TMEM275: variants seen among roughly 807,000 people sequenced by gnomAD.
TMEM275 encodes transmembrane protein 275.
In TMEM275 at chr1:46,533,482, C is replaced by T; in HGVS notation, c.46G>A (p.Ala16Thr). 2 of 388,982 alleles carry T rather than the reference C, an allele frequency of 5.1e-6. No individual in the cohort carries two copies. The highest frequency in any genetic ancestry group is 9.1e-6 in the Non-Finnish European group (2 of 219,852). 24.1% of individuals were successfully genotyped at this position (388,982 alleles called of 1,614,324 possible). ...GGCACCCGGCCCCGGGCGCGTTCCGCGGGCGCCGGGACCGGTGGCCCCTCG... is the reference window on the plus strand; with the variant it reads ...GGCACCCGGCCCCGGGCGCGTTCCGTGGGCGCCGGGACCGGTGGCCCCTCG... Residue 16 changes from alanine (A) to threonine (T), a missense_variant, in exon 2 of 2, where the codon GCG becomes ACG. Physicochemically the swap from Ala to Thr is moderately conservative, Grantham distance 58. Transcript: ENST00000634804. This position sits in a 1 kb window ranked among gnomAD's most constrained non-coding sequence, Gnocchi z 4.4.
At chr1:46,534,737 G>A (rs1307190480) in intron 1 of TMEM275, among the ~76,000 whole-genome samples, 154 bp from the exon 2 acceptor site, 1 of 152,088 alleles carries the variant, frequency 6.6e-6, no homozygotes, top group Non-Finnish European at 1.5e-5. Flanking sequence ...TTAGAATTGT[G>A]GGGAAAAAAT....
chr1:46,534,768 G>A (rs1666716216), intron 1 of TMEM275, among the ~76,000 whole-genome samples, 185 bp from the exon 2 acceptor site: 1 of 152,166 alleles, frequency 6.6e-6, no homozygotes, highest in Admixed American at 6.5e-5. Flanking sequence ...GGTCCTGGAT[G>A]GGGATGAAAG....
In TMEM275 at chr1:46,533,541, C is replaced by T. The variant is rs1004561242; in HGVS notation, c.-14G>A. 9 of 388,452 alleles carry T rather than the reference C, an allele frequency of 2.3e-5. No homozygotes were observed. The highest frequency in any genetic ancestry group is 1.9e-4 in the African/African-American group (9 of 48,082). The allele number at this position is 388,452 out of a possible 1,614,324, so 24.1% of individuals were successfully genotyped here. A position where few individuals can be genotyped will look rare whatever the true frequency, so the allele number is the denominator to read the frequency against. On this transcript the variant is annotated 5_prime_UTR_variant, in exon 2 of 2. An upstream open reading frame in the 5' UTR gains an earlier in-frame stop. Transcript: ENST00000634804. The surrounding 1 kb of genome is among the most constrained non-coding windows in gnomAD (Gnocchi z 4.4). The stretch of plus-strand genomic sequence containing the variant: ...TGCCGGCGGCATCGGCCTGCGCACG[C>T]CAGGCACGCATCAAGCTCCCTCCTG...
chr1:46,533,183 C>T lies in TMEM275; in HGVS notation c.345G>A (p.Glu115=), dbSNP rs1317126768. Residue 115 remains glutamate, a synonymous_variant, in exon 2 of 2, where the codon GAG becomes GAA. Coordinates refer to ENST00000634804, the Ensembl canonical transcript of TMEM275. The surrounding 1 kb of genome is among the most constrained non-coding windows in gnomAD (Gnocchi z 4.4). ...TGTCCTGTGCCGTGGGCTCGCTGCT[C>T]TCCATCTCCAGCGCCACGGGCCCGG... 15 of 380,036 alleles carry T rather than the reference C, an allele frequency of 3.9e-5. No individual in the cohort carries two copies. The highest frequency in any genetic ancestry group is 3.4e-4 in the East Asian group (9 of 26,492). 23.5% of individuals were successfully genotyped at this position (380,036 alleles called of 1,614,324 possible). A position where few individuals can be genotyped will look rare whatever the true frequency, so the allele number is the denominator to read the frequency against.
intron 1 of TMEM275, among the ~76,000 whole-genome samples, chr1:46,534,032 G>A (rs1424796989): frequency 4.6e-5 from 7 of 152,302 alleles, no homozygotes; most frequent in Middle Eastern, 3.4e-3. Context: ...ATCGTCTTCA[G>A]TAGTCCTAAC....
intron 1 of TMEM275, among the ~76,000 whole-genome samples, chr1:46,534,802 G>T (rs1666717093): frequency 6.6e-6 from 1 of 152,154 alleles, no homozygotes; most frequent in Non-Finnish European, 1.5e-5. Context: ...TGGTACCGCG[G>T]GTCTGAGGGG....
Position 46,533,658 on chromosome 1 carries a change from C to T in TMEM275, c.-123-8G>A. The T allele has an allele frequency of 2.7e-6, 1 of 368,342 alleles. No homozygotes were observed. Among genetic ancestry groups the T allele is most frequent in the East Asian group, 4.0e-5 (1 of 25,298 alleles). 22.8% of individuals were successfully genotyped at this position (368,342 alleles called of 1,614,324 possible). A position where few individuals can be genotyped will look rare whatever the true frequency, so the allele number is the denominator to read the frequency against. On this transcript the variant is annotated splice_region_variant and splice_polypyrimidine_tract_variant and intron_variant, in intron 1 of 1. Coordinates refer to ENST00000634804, the Ensembl canonical transcript of TMEM275. The surrounding 1 kb of genome is among the most constrained non-coding windows in gnomAD (Gnocchi z 4.4). The stretch of plus-strand genomic sequence containing the variant: ...AGCCTCCTCACGCTGGTCCTGTGGG[C>T]ACACAGCAAGAGGGCGGCGTCAGCA...
In TMEM275 at chr1:46,533,043, C is replaced by T; in HGVS notation, c.485G>A (p.Arg162His). The change falls in exon 2 of 2, where the codon CGC becomes CAC. Residue 162 changes from arginine (R) to histidine (H), a missense_variant. By Grantham distance (29) the Arg-to-His change is conservative. Coordinates refer to ENST00000634804, the Ensembl canonical transcript of TMEM275. This position sits in a 1 kb window ranked among gnomAD's most constrained non-coding sequence, Gnocchi z 4.4. ...TGGGTTGAGCTGGACTCCTTCCGAG[C>T]GCAGCGCGCAGACGGCCGCGGGCGC... 2.5e-6 allele frequency: 1 copy of T among 396,172 alleles called. No homozygotes were observed. The highest frequency in any genetic ancestry group is 4.5e-6 in the Non-Finnish European group (1 of 224,442). The allele number at this position is 396,172 out of a possible 1,614,324, so 24.5% of individuals were successfully genotyped here. A position where few individuals can be genotyped will look rare whatever the true frequency, so the allele number is the denominator to read the frequency against.
chr1:46,534,230 C>T (rs1056058544), intron 1 of TMEM275, among the ~76,000 whole-genome samples, 189 bp from the exon 3 acceptor site: 1 of 151,850 alleles, frequency 6.6e-6, no homozygotes, highest in African/African-American at 2.4e-5. Context: ...GCCACTTGGC[C>T]TCAGTATCCC....
chr1:46,533,423 G>T lies in TMEM275; in HGVS notation c.105C>A (p.Cys35Ter). 1 of 380,096 alleles carries T rather than the reference G, an allele frequency of 2.6e-6. No homozygotes were observed. The highest frequency in any genetic ancestry group is 4.7e-6 in the Non-Finnish European group (1 of 213,996). The allele number at this position is 380,096 out of a possible 1,614,324, so 23.5% of individuals were successfully genotyped here. The change falls in exon 2 of 2, where the codon TGC becomes TGA. Residue 35 changes from cysteine (C) to a stop codon, truncating the protein, a stop_gained. Transcript: ENST00000634804. LOFTEE classifies it low-confidence loss of function (END_TRUNC). The surrounding 1 kb of genome is among the most constrained non-coding windows in gnomAD (Gnocchi z 4.4). ...CGCCCGCCAGCAGCGCGCACAGACC[G>T]CAGGCGCAGCACAGCGCCGGCGACG...
In TMEM275 at chr1:46,533,725, A is replaced by C; in HGVS notation, c.-123-75T>G. ...AGTCCTAGGCTCCGTCTGTAGCTAC[A>C]CTGAGTGCCTGGGTGGGCAGAGGTC... On this transcript the variant is annotated intron_variant, in intron 1 of 1. Transcript: ENST00000634804. This position sits in a 1 kb window ranked among gnomAD's most constrained non-coding sequence, Gnocchi z 4.4. The C allele has an allele frequency of 2.8e-6, 1 of 362,934 alleles. No individual in the cohort carries two copies. The highest frequency in any genetic ancestry group is 4.9e-6 in the Non-Finnish European group (1 of 203,482). The allele number at this position is 362,934 out of a possible 1,614,324, so 22.5% of individuals were successfully genotyped here.
At chr1:46,534,894 T>C (rs3737741) in intron 1 of TMEM275, among the ~76,000 whole-genome samples, 77,525 of 152,032 alleles carry the variant, frequency 0.51, 20,272 homozygotes, top group African/African-American at 0.62. Flanking sequence ...TCTTCTGTAA[T>C]GTGGGGCTAA....
Position 46,533,056 on chromosome 1 carries a change from C to A in TMEM275, c.472G>T (p.Val158Phe). The A allele has an allele frequency of 2.5e-6, 1 of 395,520 alleles. No homozygotes were observed. The highest frequency in any genetic ancestry group is 4.5e-6 in the Non-Finnish European group (1 of 224,056). 24.5% of individuals were successfully genotyped at this position (395,520 alleles called of 1,614,324 possible). ...ACTCCTTCCGAGCGCAGCGCGCAGA[C>A]GGCCGCGGGCGCCGGGGCCTCCAGG... is the stretch of plus-strand genomic sequence containing the variant. Residue 158 changes from valine to phenylalanine, a missense_variant, in exon 2 of 2, where the codon GTC (valine) becomes TTC (phenylalanine). Coordinates refer to ENST00000634804, the Ensembl canonical transcript of TMEM275. The surrounding 1 kb of genome is among the most constrained non-coding windows in gnomAD (Gnocchi z 4.4).
At position 46,534,470 on chromosome 1, in the gene TMEM275, C is replaced by A. The variant is rs1419477840; in HGVS notation, c.-123-820G>T. On this transcript the variant is annotated intron_variant, in intron 1 of 1. The change abolishes an upstream ATG in the 5' untranslated region. Coordinates refer to ENST00000634804, the Ensembl canonical transcript of TMEM275. ...CCAATCCTACCTCCATTCCACTCCC[C>A]ATTGTTTTACTGTTGAACCTGGATT... Among the ~76,000 whole-genome samples, 1 of 152,192 alleles carries A rather than the reference C, an allele frequency of 6.6e-6. No homozygotes were observed. The highest frequency in any genetic ancestry group is 1.5e-5 in the Non-Finnish European group (1 of 68,030).
In TMEM275 at chr1:46,533,011, C is replaced by G; in HGVS notation, c.517G>C (p.Ala173Pro). The change falls in exon 2 of 2, where the codon GCG becomes CCG. Residue 173 changes from alanine (A) to proline (P), a missense_variant. By Grantham distance (27) the Ala-to-Pro change is conservative. Transcript: ENST00000634804. The surrounding 1 kb of genome is among the most constrained non-coding windows in gnomAD (Gnocchi z 4.4). ...CTGGTCCGCTAGGGGGCGGCGCGCG[C>G]CCGGGGTGGGTTGAGCTGGACTCCT... The G allele has an allele frequency of 2.5e-6, 1 of 396,412 alleles. No homozygotes were observed. The highest frequency in any genetic ancestry group is 4.5e-6 in the Non-Finnish European group (1 of 224,598). The allele number at this position is 396,412 out of a possible 1,614,324, so 24.6% of individuals were successfully genotyped here. A position where few individuals can be genotyped will look rare whatever the true frequency, so the allele number is the denominator to read the frequency against.
At position 46,533,250 on chromosome 1, in the gene TMEM275, C is replaced by T. The variant is rs1666692638; in HGVS notation, c.278G>A (p.Arg93His). ...GCCCGGGCCCGCCGCGGCCGCCGAG[C>T]GCCCACGGGGCGCGAGGCCCCGGCG... The change falls in exon 2 of 2, where the codon CGC (arginine) becomes CAC (histidine). Residue 93 changes from arginine to histidine, a missense_variant. Coordinates refer to ENST00000634804, the Ensembl canonical transcript of TMEM275. The surrounding 1 kb of genome is among the most constrained non-coding windows in gnomAD (Gnocchi z 4.4). 3.0e-6 allele frequency: 1 copy of T among 336,672 alleles called. No individual in the cohort carries two copies. Among genetic ancestry groups the T allele is most frequent in the South Asian group, 1.4e-4 (1 of 7,390 alleles). The allele number at this position is 336,672 out of a possible 1,614,324, so 20.9% of individuals were successfully genotyped here.
rs1666700506 is a variant in TMEM275, at chr1:46,533,555, A to G, written c.-28T>C. 2 of 387,840 alleles carry G rather than the reference A, an allele frequency of 5.2e-6. No homozygotes were observed. The highest frequency in any genetic ancestry group is 9.1e-6 in the Non-Finnish European group (2 of 219,056). 24.0% of individuals were successfully genotyped at this position (387,840 alleles called of 1,614,324 possible). On this transcript the variant is annotated 5_prime_UTR_variant, in exon 2 of 2. Coordinates refer to ENST00000634804, the Ensembl canonical transcript of TMEM275. The surrounding 1 kb of genome is among the most constrained non-coding windows in gnomAD (Gnocchi z 4.4). ...GCCTGCGCACGCCAGGCACGCATCA[A>G]GCTCCCTCCTGCCGCCGGCCCGGAA...
Position 46,533,006 on chromosome 1 carries a change from G to A in TMEM275, c.522C>T (p.Arg174=). 1 of 396,378 alleles carries A rather than the reference G, an allele frequency of 2.5e-6. No individual in the cohort carries two copies. Among genetic ancestry groups the A allele is most frequent in the East Asian group, 3.6e-5 (1 of 27,952 alleles). The allele number at this position is 396,378 out of a possible 1,614,324, so 24.6% of individuals were successfully genotyped here. Reference sequence around the variant, plus strand: ...GGGCCCTGGTCCGCTAGGGGGCGGCGCGCGCCCGGGGTGGGTTGAGCTGGA... The same window carrying A: ...GGGCCCTGGTCCGCTAGGGGGCGGCACGCGCCCGGGGTGGGTTGAGCTGGA... Residue 174 remains arginine, a synonymous_variant, in exon 2 of 2, where the codon CGC becomes CGT. Transcript: ENST00000634804. This position sits in a 1 kb window ranked among gnomAD's most constrained non-coding sequence, Gnocchi z 4.4.
chr1:46,534,196 C>T (rs555155397), intron 1 of TMEM275, among the ~76,000 whole-genome samples, 155 bp from the exon 3 acceptor site: 1 of 149,686 alleles, frequency 6.7e-6, no homozygotes, highest in Non-Finnish European at 1.5e-5. Context: ...ATCCAAGATC[C>T]AGAACCAGGA....
Sources: gnomAD v4.1 joint callset for allele counts (sites outside exome capture counted in the v4.1 genomes callset) on GRCh38, gnomAD v4.1.1 for gene constraint, Gnocchi (gnomAD v3.1) non-coding constraint, MANE v1.5 for transcripts, NCBI Gene and HGNC (gene_info 2026-07-23, HGNC 2026-07-21) for gene names.